The following ATP7B variants were observed in gnomAD, a reference collection of about 807,000 sequenced individuals.
The protein encoded by ATP7B is ATPase copper transporting beta, also known as copper-transporting ATPase 2.
A neutral mutation model predicts 118.9 loss-of-function variants in ATP7B; 113 were observed. That is an observed-to-expected ratio of 0.95 (90% CI 0.82 to 1.11). The LOEUF is 1.11. ATP7B is among the 50% of genes most tolerant of loss of function. The pLI is 0.00. For synonymous variants in ATP7B, 777 were observed against 727.4 expected (o/e 1.07, Z -1.10); for missense variants, 1,867 against 1,871.4 (o/e 1.00, Z 0.04).
chr13:52,009,934 G>T (rs993917953), intron 1 of ATP7B, among the ~76,000 whole-genome samples: 1 of 152,188 alleles, frequency 6.6e-6, no homozygotes, highest in Non-Finnish European at 1.5e-5. Context: ...AGGGATATGA[G>T]TGCCTAACAC....
At chr13:51,984,711 AG>A (rs1593823403) in intron 1 of ATP7B, among the ~76,000 whole-genome samples, 1 of 152,232 alleles carries the variant, frequency 6.6e-6, no homozygotes, top group East Asian at 1.9e-4. Context: ...ACTTAACAGC[AG>A]ATCTCTCTGC....
intron 19 of ATP7B, among the ~76,000 whole-genome samples, chr13:51,936,090 AG>A (rs1235911243): frequency 6.6e-6 from 1 of 152,314 alleles, no homozygotes; most frequent in Non-Finnish European, 1.5e-5. Flanking sequence ...AACACGGCTG[AG>A]GGCCACAGTC....
At chr13:51,968,384 T>C in intron 4 of ATP7B, 60 bp downstream of exon 4, 2 of 1,610,374 alleles carry the variant, frequency 1.2e-6, no homozygotes, top group East Asian at 4.5e-5. Flanking sequence ...CAAAGATGGA[T>C]GTGTCCAAAA....
At chr13:51,950,595 T>C (rs1957937563) in intron 9 of ATP7B, among the ~76,000 whole-genome samples, 196 bp from the exon 10 acceptor site, 1 of 152,090 alleles carries the variant, frequency 6.6e-6, no homozygotes, top group African/African-American at 2.4e-5. Flanking sequence ...GATACAGCTG[T>C]GAATGGCACA....
intron 17 of ATP7B, among the ~76,000 whole-genome samples, chr13:51,938,441 A>C (rs1361162443): frequency 6.6e-6 from 1 of 152,228 alleles, no homozygotes; most frequent in African/African-American, 2.4e-5. Flanking sequence ...AGGACGCTAA[A>C]CAGGTCCATA....
At chr13:51,957,399 G>T in intron 9 of ATP7B, 117 bp downstream of exon 9, 2 of 1,037,116 alleles carry the variant, frequency 1.9e-6, no homozygotes, top group Non-Finnish European at 3.0e-6. Context: ...TGATCTTACT[G>T]TGTCTCTGCC....
At chr13:51,997,824 T>C (rs1772490923) in intron 1 of ATP7B, among the ~76,000 whole-genome samples, 1 of 152,064 alleles carries the variant, frequency 6.6e-6, no homozygotes. Flanking sequence ...AGGATGACAA[T>C]GCCATTTCCA....
intron 1 of ATP7B, among the ~76,000 whole-genome samples, chr13:51,984,366 A>G (rs1952555272): frequency 6.6e-6 from 1 of 152,180 alleles, no homozygotes; most frequent in Non-Finnish European, 1.5e-5. Flanking sequence ...AGATAGAGAA[A>G]AAAGAATGAA....
At chr13:51,961,938 G>A in intron 5 of ATP7B, 25 bp from the exon 6 acceptor site, 1 of 1,589,942 alleles carries the variant, frequency 6.3e-7, no homozygotes, top group Non-Finnish European at 8.6e-7. Context: ...GAGAGGGGTG[G>A]GGAAAAAGGA....
At position 51,973,969 on chromosome 13, in the gene ATP7B, T is replaced by C; in HGVS notation, c.1251A>G (p.Ile417Met). ...CTGAAGCCTCAAATCCCATGTCTTC[T>C]ATAGCAGCTCTGAGTTCTTCTGGGC... The part of the protein sequence containing the change: ...VISPEELRAA[I>M]EDMGFEASVV... Residue 417 changes from isoleucine (I) to methionine (M), a missense_variant, in exon 2 of 21, where the codon ATA (isoleucine) becomes ATG (methionine). Coordinates refer to ENST00000242839, the MANE Select transcript of ATP7B (RefSeq NM_000053.4). 6.2e-7 allele frequency: 1 copy of C among 1,614,258 alleles called. No individual in the cohort carries two copies. The highest frequency in any genetic ancestry group is 8.5e-7 in the Non-Finnish European group (1 of 1,180,054).
chr13:51,990,665 T>A (rs1435317344), intron 1 of ATP7B, among the ~76,000 whole-genome samples: 3 of 152,272 alleles, frequency 2.0e-5, no homozygotes, highest in Non-Finnish European at 4.4e-5. Context: ...TAGCGAATGC[T>A]GATGATTCCA....
chr13:51,958,660 A>G (rs1958520986), intron 7 of ATP7B, 116 bp from the exon 8 acceptor site: 3 of 856,002 alleles, frequency 3.5e-6, no homozygotes, highest in East Asian at 2.6e-5. Flanking sequence ...CAGTCGTGAC[A>G]GTACTTCTTC....
chr13:51,987,985 G>A (rs1952739647), intron 1 of ATP7B, among the ~76,000 whole-genome samples: 1 of 152,150 alleles, frequency 6.6e-6, no homozygotes, highest in Non-Finnish European at 1.5e-5. Flanking sequence ...TACCATTCAG[G>A]ACACAGAAAT....
At chr13:51,943,916 C>T (rs1394090879) in intron 14 of ATP7B, among the ~76,000 whole-genome samples, 193 bp downstream of exon 14, 2 of 150,126 alleles carry the variant, frequency 1.3e-5, no homozygotes, top group African/African-American at 2.5e-5. Flanking sequence ...CACTGAACTC[C>T]CTTTGTGATA....
intron 1 of ATP7B, among the ~76,000 whole-genome samples, chr13:51,992,884 A>G (rs2140393511): frequency 6.7e-6 from 1 of 148,606 alleles, no homozygotes; most frequent in Middle Eastern, 3.5e-3. Context: ...AGGCTGAGGC[A>G]GGAGAATCAC....
intron 9 of ATP7B, among the ~76,000 whole-genome samples, chr13:51,954,374 G>A (rs1958205157): frequency 6.6e-6 from 1 of 152,232 alleles, no homozygotes; most frequent in South Asian, 2.1e-4. Flanking sequence ...AGCCATTGAA[G>A]GATTTTCCAA....
intron 9 of ATP7B, among the ~76,000 whole-genome samples, chr13:51,953,768 CAAGTT>C (rs1958154515): frequency 7.1e-6 from 1 of 140,262 alleles, no homozygotes; most frequent in Non-Finnish European, 1.5e-5. Context: ...TCATTAAACA[CAAGTT>C]AAGAAAACAA....
chr13:51,946,192 T>C (rs1566483570), intron 13 of ATP7B, 92 bp downstream of exon 13: 1 of 1,489,724 alleles, frequency 6.7e-7, no homozygotes. Context: ...ACTGCTGTCT[T>C]GAGTGGCTCT....
chr13:51,950,168 G>A lies in ATP7B; in HGVS notation c.2576-7C>T, dbSNP rs373160461. ...GTGACTGGCATGGCTTCTCCTAGAC[G>A]TAGGAAAGAGACAACTGTCACTTGC... On this transcript the variant is annotated splice_polypyrimidine_tract_variant and splice_region_variant and intron_variant, in intron 10 of 20. Coordinates refer to ENST00000242839, the MANE Select transcript of ATP7B (RefSeq NM_000053.4). The A allele has an allele frequency of 8.7e-6, 14 of 1,614,026 alleles. No individual in the cohort carries two copies. In the East Asian group the frequency reaches 8.9e-5, roughly 10 times the overall value.
Sources: allele counts gnomAD v4.1 joint callset (sites outside exome capture counted in the v4.1 genomes callset), GRCh38; gene constraint gnomAD v4.1.1; transcripts MANE v1.5; gene names NCBI Gene and HGNC (gene_info 2026-07-23, HGNC 2026-07-21).